The following PLA2G4E variants were observed in gnomAD, a reference collection of about 807,000 sequenced individuals.
PLA2G4E encodes the protein phospholipase A2 group IVE, also known as cytosolic phospholipase A2 epsilon.
In PLA2G4E, 84 loss-of-function variants were observed where a neutral mutation model predicts 109.1. The observed-to-expected ratio is 0.77, with a 90% CI of 0.65 to 0.92. The LOEUF (loss-of-function observed/expected upper bound fraction) is 0.92. PLA2G4E is among the 40% of genes least tolerant of loss of function. The pLI, the probability that PLA2G4E is intolerant of heterozygous loss-of-function variation, is 0.00. For synonymous variants in PLA2G4E, 469 were observed against 436.1 expected, an observed-to-expected ratio of 1.08 and a Z score of -0.94; for missense variants, 1,057 against 1,076.6, an observed-to-expected ratio of 0.98 and a Z score of 0.25.
At chr15:41,987,626 G>A (rs1175368789) in intron 16 of PLA2G4E, among the ~76,000 whole-genome samples, 1 of 152,098 alleles carries the variant, frequency 6.6e-6, no homozygotes, top group Non-Finnish European at 1.5e-5. Context: ...AGAGGACAGG[G>A]AGTTTCAAAG....
At chr15:42,018,414 G>A (rs2068616483) in intron 1 of PLA2G4E, among the ~76,000 whole-genome samples, 1 of 152,132 alleles carries the variant, frequency 6.6e-6, no homozygotes, top group African/African-American at 2.4e-5. Context: ...GGGTATCAGG[G>A]TGAAGAGTCA....
intron 15 of PLA2G4E, among the ~76,000 whole-genome samples, chr15:41,988,951 G>A (rs189440053): frequency 3.0e-4 from 46 of 152,334 alleles, no homozygotes; most frequent in Admixed American, 1.1e-3. Flanking sequence ...TTTGACGGGC[G>A]CAGCTAAGAC....
intron 1 of PLA2G4E, among the ~76,000 whole-genome samples, chr15:42,023,006 G>A (rs2068661259): frequency 6.6e-6 from 1 of 152,104 alleles, no homozygotes; most frequent in Admixed American, 6.5e-5. Flanking sequence ...ACCACTAGGA[G>A]GAAGAGAGAG....
intron 1 of PLA2G4E, among the ~76,000 whole-genome samples, chr15:42,018,847 G>C (rs1011636904): frequency 1.3e-5 from 2 of 152,178 alleles, no homozygotes; most frequent in African/African-American, 4.8e-5. Context: ...TCTCAGGATT[G>C]GCTATGATGC....
At chr15:41,983,629 A>G in exon 20 of PLA2G4E, 5 of 855,726 alleles carry the variant, frequency 5.8e-6, no homozygotes, top group Non-Finnish European at 8.9e-6. Context: ...TAGAAAGCCC[A>G]GGCCAACCTG....
chr15:41,985,911 C>G, exon 18 of PLA2G4E: 1 of 1,608,868 alleles, frequency 6.2e-7, no homozygotes, highest in Non-Finnish European at 8.5e-7. Flanking sequence ...TGAGGAGGGG[C>G]GGGTAGCTGG....
intron 1 of PLA2G4E, among the ~76,000 whole-genome samples, chr15:42,018,205 T>G (rs1231080307): frequency 6.6e-6 from 1 of 152,198 alleles, no homozygotes; most frequent in African/African-American, 2.4e-5. Context: ...TGAGCAAAAA[T>G]TCATGGCCTG....
chr15:42,030,524 A>T (rs1270366652), intron 1 of PLA2G4E, among the ~76,000 whole-genome samples: 3 of 152,202 alleles, frequency 2.0e-5, no homozygotes, highest in African/African-American at 7.2e-5. Context: ...GGAGCTCAGG[A>T]AAGAGAAATC....
At chr15:41,989,325 C>T in intron 15 of PLA2G4E, 90 bp downstream of exon 15, 6 of 1,534,672 alleles carry the variant, frequency 3.9e-6, no homozygotes, top group Non-Finnish European at 5.3e-6. Context: ...CTGGCAAGTG[C>T]CCCGAGTGTC....
intron 2 of PLA2G4E, among the ~76,000 whole-genome samples, chr15:42,009,623 CT>C (rs917406671): frequency 6.6e-6 from 1 of 152,220 alleles, no homozygotes; most frequent in African/African-American, 2.4e-5. Context: ...TACCCCACCC[CT>C]GCCCTGTGTG....
At chr15:41,994,471 C>T (rs1343300343) in intron 12 of PLA2G4E, among the ~76,000 whole-genome samples, 1 of 152,224 alleles carries the variant, frequency 6.6e-6, no homozygotes, top group East Asian at 1.9e-4. Flanking sequence ...TGATAGGCCA[C>T]CCTGAACCAG....
In PLA2G4E at chr15:42,036,506, G is replaced by A. The variant is rs1022681619; in HGVS notation, c.183+14015C>T. On this transcript the variant is annotated intron_variant, in intron 1 of 19. Transcript: ENST00000399518. Reference sequence around the variant, plus strand: ...CGAGGATGCCGGGTTCCTGTGCCTCGGGTGGAGGCTCTGCTCGGCGCTGCT... The same window carrying A: ...CGAGGATGCCGGGTTCCTGTGCCTCAGGTGGAGGCTCTGCTCGGCGCTGCT... Among the ~76,000 whole-genome samples, 7 of 152,118 alleles carry A rather than the reference G, an allele frequency of 4.6e-5. No homozygotes were observed. In the East Asian group the frequency reaches 1.2e-3, roughly 25 times the overall value.
At chr15:41,990,601 C>T (rs2068227529) in intron 13 of PLA2G4E, among the ~76,000 whole-genome samples, 2 of 152,038 alleles carry the variant, frequency 1.3e-5, no homozygotes, top group Admixed American at 6.6e-5. Flanking sequence ...GGAGCAGCTC[C>T]ATGTTTAGCA....
Position 42,004,849 on chromosome 15 carries a change from A to G in PLA2G4E, c.566+89T>C, listed in dbSNP as rs555435829. The G allele has an allele frequency of 6.8e-6, 10 of 1,475,726 alleles. No individual in the cohort carries two copies. The South Asian group carries it at 1.1e-4, about 16-fold the overall frequency. The allele number at this position is 1,475,726 out of a possible 1,614,324, so 91.4% of individuals were successfully genotyped here. ...GAGACTGGAAGAGGGTGAGGCAGCA[A>G]AAAGGCCGACCTGCCTCTGAAATGC... On this transcript the variant is annotated intron_variant, in intron 5 of 19. Coordinates refer to ENST00000399518, the Ensembl canonical transcript of PLA2G4E.
At chr15:42,039,541 A>ATC (rs1159702066) in intron 1 of PLA2G4E, among the ~76,000 whole-genome samples, 1 of 152,118 alleles carries the variant, frequency 6.6e-6, no homozygotes, top group African/African-American at 2.4e-5. Flanking sequence ...GTGTACGTAT[A>ATC]TATATATATG....
exon 13 of PLA2G4E, chr15:41,992,850 G>T: frequency 1.2e-6 from 2 of 1,614,046 alleles, no homozygotes; most frequent in Non-Finnish European, 1.7e-6. Context: ...AGCTGGTCTG[G>T]GAACAGGGAG....
chr15:42,023,058 G>T (rs1288670230), intron 1 of PLA2G4E, among the ~76,000 whole-genome samples: 1 of 152,076 alleles, frequency 6.6e-6, no homozygotes, highest in Non-Finnish European at 1.5e-5. Context: ...AGGCAGGGAG[G>T]CCAGAAAGCA....
chr15:41,990,208 G>T, exon 14 of PLA2G4E: 1 of 1,613,778 alleles, frequency 6.2e-7, no homozygotes, highest in Non-Finnish European at 8.5e-7. Flanking sequence ...AAAGCAGCAC[G>T]CTGATCTGAC....
chr15:42,010,182 G>T (rs762954664), intron 2 of PLA2G4E: 2 of 521,096 alleles, frequency 3.8e-6, no homozygotes, highest in Admixed American at 2.0e-5. Context: ...TCTCCGGTAC[G>T]CTGGGAGCCT....
Sources: gnomAD v4.1 joint callset for allele counts (sites outside exome capture counted in the v4.1 genomes callset) on GRCh38, gnomAD v4.1.1 for gene constraint, MANE v1.5 for transcripts, NCBI Gene and HGNC (gene_info 2026-07-23, HGNC 2026-07-21) for gene names.